ROS1: variants seen among roughly 807,000 people sequenced by gnomAD.
ROS1 encodes the protein ROS proto-oncogene 1, receptor tyrosine kinase, also known as proto-oncogene tyrosine-protein kinase ROS.
In ROS1, 263 loss-of-function variants were observed where a neutral mutation model predicts 273.5. That is an observed-to-expected ratio of 0.96 (90% confidence interval 0.87 to 1.06). The LOEUF (loss-of-function observed/expected upper bound fraction) is 1.06. Among genes scored for constraint, ROS1 ranks in the 50% least tolerant of loss-of-function variants. The pLI is 0.00. For synonymous variants in ROS1, 1,008 were observed against 954.1 expected, an observed-to-expected ratio of 1.06 and a Z score of -1.04; for missense variants, 2,833 against 2,751.1, an observed-to-expected ratio of 1.03 and a Z score of -0.67.
chr6:117,335,432 A>G (rs9489130), intron 32 of ROS1, among the ~76,000 whole-genome samples: 21,761 of 152,176 alleles, frequency 0.14, 1,602 homozygotes, highest in South Asian at 0.16. Flanking sequence ...ACAGTATGGC[A>G]ATTCCTCAAG....
chr6:117,307,674 A>T (rs1268325146), intron 42 of ROS1, among the ~76,000 whole-genome samples: 2 of 152,138 alleles, frequency 1.3e-5, no homozygotes, highest in African/African-American at 4.8e-5. Context: ...CTATTAAGTT[A>T]AATCAGAAAC....
At position 117,356,762 on chromosome 6, in the gene ROS1, T is replaced by G; in HGVS notation, c.3993A>C (p.Leu1331Phe). ...QCSCNVTEFE[L>F]SGAMAIDTSN... ...AGGTATCAATAGCCATTGCTCCACT[T>G]AACTCAAATTCAGTCACATTACAAG... The change falls in exon 26 of 44, where the codon TTA (leucine) becomes TTC (phenylalanine). Residue 1331 changes from leucine to phenylalanine, a missense_variant. Leu to Phe is a conservative substitution (Grantham distance 22, BLOSUM62 0). Coordinates refer to ENST00000368507, the MANE Select transcript of ROS1 (RefSeq NM_001378902.1). 2 of 1,614,196 alleles carry G rather than the reference T, an allele frequency of 1.2e-6. No individual in the cohort carries two copies. Among genetic ancestry groups the G allele is most frequent in the Non-Finnish European group, 8.5e-7 (1 of 1,180,032 alleles).
At chr6:117,321,453 G>C (rs1582614489) in intron 35 of ROS1, 59 bp from the exon 36 acceptor site, 1 of 1,477,088 alleles carries the variant, frequency 6.8e-7, no homozygotes, top group Non-Finnish European at 9.2e-7. Context: ...TTTTCCTTTA[G>C]GAAATGTTAA....
chr6:117,366,181 T>G lies in ROS1; in HGVS notation c.2692A>C (p.Ile898Leu). ...GRLFWINGFR[I>L]ITTQEIGQKT... ...TGACCTATTTCTTGAGTTGTGATAATCCTAAAGCCATTGATCCAGAACAGC... is the reference window on the plus strand; with the variant it reads ...TGACCTATTTCTTGAGTTGTGATAAGCCTAAAGCCATTGATCCAGAACAGC... Residue 898 changes from isoleucine to leucine, a missense_variant, in exon 19 of 44, where the codon ATT (isoleucine) becomes CTT (leucine). By Grantham distance (5) the Ile-to-Leu change is conservative. Transcript: ENST00000368507. The G allele has an allele frequency of 1.2e-6, 2 of 1,614,072 alleles. No individual in the cohort carries two copies. Among genetic ancestry groups the G allele is most frequent in the Non-Finnish European group, 1.7e-6 (2 of 1,179,968 alleles).
intron 18 of ROS1, among the ~76,000 whole-genome samples, chr6:117,368,389 T>A (rs1780448156): frequency 6.6e-6 from 1 of 152,174 alleles, no homozygotes. Context: ...CTCAAATAGG[T>A]TTACTCTTGT....
intron 42 of ROS1, 120 bp from the exon 43 acceptor site, chr6:117,301,257 A>G: frequency 1.2e-6 from 1 of 806,852 alleles, no homozygotes. Flanking sequence ...CTTAATTAAT[A>G]TAAGTGAATC....
At position 117,329,956 on chromosome 6, in the gene ROS1, G is replaced by T. The variant is rs535531819; in HGVS notation, c.5231-510C>A. Reference sequence around the variant, plus strand: ...TCTGCCTAAGCTTACTGAACTCCCTGGGGGAGGGGTGACCAGCACAGGCTT... The same window carrying T: ...TCTGCCTAAGCTTACTGAACTCCCTTGGGGAGGGGTGACCAGCACAGGCTT... On this transcript the variant is annotated intron_variant, in intron 32 of 43. Coordinates refer to ENST00000368507, the MANE Select transcript of ROS1 (RefSeq NM_001378902.1). Among the ~76,000 whole-genome samples the T allele has an allele frequency of 6.6e-5, 10 of 152,244 alleles. No individual in the cohort carries two copies. The East Asian group carries it at 1.9e-3, about 29-fold the overall frequency.
intron 36 of ROS1, 35 bp from the exon 37 acceptor site, chr6:117,320,065 C>T (rs1232250865): frequency 7.6e-6 from 12 of 1,584,552 alleles, no homozygotes; most frequent in Non-Finnish European, 1.0e-5. Flanking sequence ...TCCCCACCCT[C>T]CACATATATA....
intron 29 of ROS1, 30 bp downstream of exon 29, chr6:117,342,370 T>G (rs935683915): frequency 5.0e-6 from 8 of 1,602,494 alleles, no homozygotes; most frequent in Non-Finnish European, 6.8e-6. Flanking sequence ...ATATTCTGCT[T>G]GAGAAACCCA....
chr6:117,343,907 A>G (rs1172665721), intron 28 of ROS1, among the ~76,000 whole-genome samples, 153 bp downstream of exon 28: 1 of 152,248 alleles, frequency 6.6e-6, no homozygotes, highest in Non-Finnish European at 1.5e-5. Flanking sequence ...CAAGAAAACT[A>G]GAACACAATA....
chr6:117,303,640 T>C (rs1250386479), intron 42 of ROS1, among the ~76,000 whole-genome samples: 4 of 152,004 alleles, frequency 2.6e-5, no homozygotes, highest in African/African-American at 9.7e-5. Flanking sequence ...AGGCAAGGAG[T>C]TGGATTTTAC....
At chr6:117,293,105 A>G (rs553866624) in intron 43 of ROS1, among the ~76,000 whole-genome samples, 1 of 152,250 alleles carries the variant, frequency 6.6e-6, no homozygotes, top group African/African-American at 2.4e-5. Flanking sequence ...CTAAGCTTCT[A>G]AGTAGGTCTC....
intron 35 of ROS1, 59 bp from the exon 36 acceptor site, chr6:117,321,453 G>A (rs1582614489): frequency 6.8e-7 from 1 of 1,477,086 alleles, no homozygotes; most frequent in East Asian, 2.3e-5. Context: ...TTTTCCTTTA[G>A]GAAATGTTAA....
At chr6:117,356,506 G>T in intron 26 of ROS1, 123 bp downstream of exon 26, 2 of 831,314 alleles carry the variant, frequency 2.4e-6, no homozygotes, top group Non-Finnish European at 1.8e-6. Context: ...AGAACACTTG[G>T]CATGGTACAG....
At chr6:117,413,718 AT>A (rs1427024848) in intron 4 of ROS1, among the ~76,000 whole-genome samples, 2 of 152,208 alleles carry the variant, frequency 1.3e-5, no homozygotes, top group East Asian at 3.9e-4. Flanking sequence ...TTGGTGGCTC[AT>A]GCCTGTAATC....
At chr6:117,413,123 A>C (rs760285972) in intron 4 of ROS1, among the ~76,000 whole-genome samples, 1 of 152,116 alleles carries the variant, frequency 6.6e-6, no homozygotes, top group Non-Finnish European at 1.5e-5. Flanking sequence ...AAAACATGCC[A>C]ATTTAATTTT....
rs561156394 is a variant in ROS1 at position 117,294,507 on chromosome 6, T to C, written c.6716-5705A>G. Among the ~76,000 whole-genome samples the C allele has an allele frequency of 2.6e-5, 4 of 152,306 alleles. No homozygotes were observed. The South Asian group carries it at 6.2e-4, about 24-fold the overall frequency. ...TATCTTTTTCATGTGTTCTTGGATT[T>C]GGCTTGCCAGTATTTTGTTGAGAAC... is the stretch of plus-strand genomic sequence containing the variant. On this transcript the variant is annotated intron_variant, in intron 43 of 43. Transcript: ENST00000368507.
intron 11 of ROS1, 89 bp downstream of exon 11, chr6:117,394,073 A>G: frequency 1.3e-6 from 1 of 786,552 alleles, no homozygotes. Context: ...TGTATTGAAT[A>G]AGGCAATTGT....
At position 117,356,748 on chromosome 6, in the gene ROS1, G is replaced by A. The variant is rs1456727448; in HGVS notation, c.4007C>T (p.Ala1336Val). 1 of 1,614,090 alleles carries A rather than the reference G, an allele frequency of 6.2e-7. No homozygotes were observed. The highest frequency in any genetic ancestry group is 2.2e-5 in the East Asian group (1 of 44,882). ...VTEFELSGAM[A>V]IDTSNLEKPL... Reference sequence around the variant, plus strand: ...TTTCTCTAGGTTAGAGGTATCAATAGCCATTGCTCCACTTAACTCAAATTC... The same window carrying A: ...TTTCTCTAGGTTAGAGGTATCAATAACCATTGCTCCACTTAACTCAAATTC... The change falls in exon 26 of 44, where the codon GCT (alanine) becomes GTT (valine). Residue 1336 changes from alanine (A) to valine (V), a missense_variant. Transcript: ENST00000368507.
Sources: allele counts gnomAD v4.1 joint callset (sites outside exome capture counted in the v4.1 genomes callset), GRCh38; gene constraint gnomAD v4.1.1; transcripts MANE v1.5; gene names NCBI Gene and HGNC (gene_info 2026-07-23, HGNC 2026-07-21).